Variants in LSAMP observed in about 807,000 individuals in gnomAD.
The protein encoded by LSAMP is limbic system-associated membrane protein.
Under a neutral mutation model 38.6 loss-of-function variants are expected in LSAMP, and 7 were observed. That is an observed-to-expected ratio of 0.18 (90% confidence interval 0.10 to 0.34). LSAMP has a LOEUF of 0.34. LSAMP is among the 10% of genes least tolerant of loss of function. LSAMP has a pLI of 1.00. For missense variants in LSAMP, 313 were observed against 420.0 expected (o/e 0.75, Z 2.23); for synonymous variants, 154 against 166.8 (o/e 0.92, Z 0.59).
intron 1 of LSAMP, among the ~76,000 whole-genome samples, chr3:116,243,834 C>T (rs2046570691): frequency 6.6e-6 from 1 of 151,846 alleles, no homozygotes; most frequent in African/African-American, 2.4e-5. Context: ...TAACTTAAAG[C>T]CAGGCTTAAT....
chr3:116,116,856 T>G (rs1293570712), intron 1 of LSAMP, among the ~76,000 whole-genome samples: 1 of 152,182 alleles, frequency 6.6e-6, no homozygotes, highest in Non-Finnish European at 1.5e-5. Flanking sequence ...ATAGGTTCTC[T>G]GGCCAACAGT....
intron 3 of LSAMP, among the ~76,000 whole-genome samples, chr3:115,905,053 G>T (rs577447508): frequency 2.0e-5 from 3 of 152,084 alleles, no homozygotes; most frequent in Non-Finnish European, 4.4e-5. Flanking sequence ...CTGGCACATG[G>T]TGGGGTACAG....
chr3:116,219,076 A>T (rs2046253055), intron 1 of LSAMP, among the ~76,000 whole-genome samples: 1 of 152,224 alleles, frequency 6.6e-6, no homozygotes, highest in Non-Finnish European at 1.5e-5. Context: ...ATCTTGCTTA[A>T]CTGACACTTT....
intron 1 of LSAMP, among the ~76,000 whole-genome samples, chr3:116,252,832 C>T (rs114334397): frequency 0.012 from 1,860 of 152,290 alleles, 34 homozygotes; most frequent in African/African-American, 0.041. Flanking sequence ...TTTGCAACAG[C>T]CTCCAGAAAG....
intron 6 of LSAMP, among the ~76,000 whole-genome samples, chr3:115,814,876 C>T (rs1465340172): frequency 6.6e-6 from 1 of 152,190 alleles, no homozygotes; most frequent in Non-Finnish European, 1.5e-5. Context: ...TAAGAATCTG[C>T]CTCCCGTAGC....
At chr3:116,315,665 T>G (rs1359441724) in intron 1 of LSAMP, among the ~76,000 whole-genome samples, 1 of 152,204 alleles carries the variant, frequency 6.6e-6, no homozygotes, top group African/African-American at 2.4e-5. Flanking sequence ...TCTGCTATGT[T>G]TTAAGGACTG....
chr3:116,399,997 C>T (rs1425389833), intron 1 of LSAMP, among the ~76,000 whole-genome samples: 1 of 152,160 alleles, frequency 6.6e-6, no homozygotes, highest in Non-Finnish European at 1.5e-5. Context: ...GTTTAAAAAA[C>T]TCAGTTCTGG....
chr3:116,238,852 C>CT (rs5852001), intron 1 of LSAMP, among the ~76,000 whole-genome samples: 107,831 of 149,894 alleles, frequency 0.72, 40,068 homozygotes, highest in South Asian at 0.84. Flanking sequence ...ACATGGTTAT[C>CT]TTTTTTTTTT....
At chr3:115,979,427 A>G (rs1474338063) in intron 3 of LSAMP, among the ~76,000 whole-genome samples, 1 of 152,182 alleles carries the variant, frequency 6.6e-6, no homozygotes, top group African/African-American at 2.4e-5. Context: ...TATTATATCC[A>G]TTATGAAATA....
intron 3 of LSAMP, among the ~76,000 whole-genome samples, chr3:115,904,244 TGGAAAATTAAAAATGCTTATGTCAAATA>T (rs1368725173): frequency 6.6e-6 from 1 of 152,114 alleles, no homozygotes; most frequent in Non-Finnish European, 1.5e-5. Context: ...AATTATTTAT[TGGAAAATTAAAAATGCTTATGTCAAATA>T]GTTTTAAAAA....
rs76912531 is a variant in LSAMP at position 116,013,866 on chromosome 3, T to C, written c.514+5649A>G. Among the ~76,000 whole-genome samples, 1,064 of 152,350 alleles carry C rather than the reference T, an allele frequency of 7.0e-3. 17 individuals carry two copies. Among genetic ancestry groups the C allele is most frequent in the African/African-American group, 0.024 (1,015 of 41,590 alleles). On this transcript the variant is annotated intron_variant, in intron 3 of 6. Coordinates refer to ENST00000490035, the MANE Select transcript of LSAMP (RefSeq NM_002338.5). ...AATGCATTATCATTCTAGGCCATTA[T>C]ATACATTGTTTTCTATACCTGGGAT...
At position 115,997,160 on chromosome 3, in the gene LSAMP, A is replaced by G. The variant is rs115264017; in HGVS notation, c.514+22355T>C. Among the ~76,000 whole-genome samples the G allele has an allele frequency of 3.6e-3, 541 of 152,282 alleles. 8 individuals carry two copies. The highest frequency in any genetic ancestry group is 0.012 in the African/African-American group (479 of 41,558). On this transcript the variant is annotated intron_variant, in intron 3 of 6. Transcript: ENST00000490035. ...CATCTGGAATGGGGCTAAGAATGCT[A>G]CATTTAAATAATATATAGTAGACTT...
intron 3 of LSAMP, among the ~76,000 whole-genome samples, chr3:115,904,911 G>A (rs950031937): frequency 2.0e-5 from 3 of 152,070 alleles, no homozygotes; most frequent in East Asian, 1.9e-4. Context: ...TTTTGGACCC[G>A]TAGAGAACTT....
At chr3:116,374,951 C>T (rs916007911) in intron 1 of LSAMP, among the ~76,000 whole-genome samples, 5 of 151,966 alleles carry the variant, frequency 3.3e-5, no homozygotes, top group African/African-American at 9.7e-5. Flanking sequence ...CTTAAGATGT[C>T]TTTCTTCCAG....
chr3:116,346,622 A>G (rs974751959), intron 1 of LSAMP, among the ~76,000 whole-genome samples: 1 of 152,108 alleles, frequency 6.6e-6, no homozygotes, highest in African/African-American at 2.4e-5. Flanking sequence ...AGCCACCACC[A>G]CATTACAGAA....
rs2107421776 is a variant in LSAMP at position 116,086,513 on chromosome 3, G to A, written c.199C>T (p.Arg67Cys). 2 of 1,614,126 alleles carry A rather than the reference G, an allele frequency of 1.2e-6. No homozygotes were observed. The highest frequency in any genetic ancestry group is 1.7e-5 in the Admixed American group (1 of 60,022). ...DKNSKVAWLN[R>C]SGIIFAGHDK... is the part of the protein sequence containing the mutation. ...TGTCCAGCAAAAATGATGCCAGAAC[G>A]GTTCAACCAGGCCACCTTTGAGTTC... Residue 67 changes from arginine (R) to cysteine (C), a missense_variant, in exon 2 of 7, where the codon CGT becomes TGT. Coordinates refer to ENST00000490035, the MANE Select transcript of LSAMP (RefSeq NM_002338.5).
chr3:115,980,740 A>G (rs1325682405), intron 3 of LSAMP, among the ~76,000 whole-genome samples: 2 of 152,200 alleles, frequency 1.3e-5, no homozygotes, highest in Non-Finnish European at 2.9e-5. Flanking sequence ...GACTTCAGAA[A>G]GGACAAGCCC....
chr3:116,129,981 G>T (rs920705095), intron 1 of LSAMP, among the ~76,000 whole-genome samples: 2 of 152,166 alleles, frequency 1.3e-5, no homozygotes, highest in Non-Finnish European at 2.9e-5. Context: ...ACCAATTCCA[G>T]AAACAGCAGC....
intron 3 of LSAMP, among the ~76,000 whole-genome samples, chr3:115,887,873 G>A (rs1294139868): frequency 6.6e-6 from 1 of 151,850 alleles, no homozygotes; most frequent in Non-Finnish European, 1.5e-5. Context: ...AAAGACCGCA[G>A]AATGAAGTAT....
Sources: gnomAD v4.1 joint callset for allele counts (sites outside exome capture counted in the v4.1 genomes callset) on GRCh38, gnomAD v4.1.1 for gene constraint, MANE v1.5 for transcripts, NCBI Gene and HGNC (gene_info 2026-07-23, HGNC 2026-07-21) for gene names.